SALL4: variants seen among roughly 807,000 people sequenced by gnomAD.
SALL4 encodes sal-like protein 4.
In SALL4, 4 loss-of-function variants were observed where a neutral mutation model predicts 60.8. That is an observed-to-expected ratio of 0.07 (90% CI 0.03 to 0.15). The LOEUF is 0.15. Among genes scored for constraint, SALL4 ranks in the 10% least tolerant of loss-of-function variants. The probability of loss-of-function intolerance (pLI) is 1.00; values close to 1 mark genes in which losing one functional copy is unlikely to be tolerated. For missense variants in SALL4, 1,178 were observed against 1,394.7 expected, an observed-to-expected ratio of 0.84 and a Z score of 2.48; for synonymous variants, 580 against 574.9, an observed-to-expected ratio of 1.01 and a Z score of -0.13.
At position 51,801,295 on chromosome 20, in the gene SALL4, TC is replaced by T. The variant is rs1466214650; in HGVS notation, c.130+983del. Among the ~76,000 whole-genome samples the T allele has an allele frequency of 6.6e-6, 1 of 152,124 alleles. No individual in the cohort carries two copies. Among genetic ancestry groups the T allele is most frequent in the Non-Finnish European group, 1.5e-5 (1 of 68,012 alleles). The stretch of plus-strand genomic sequence containing the variant: ...GGCTGGGGTCCCGAACTCCCCTCGA[TC>T]TGGGAAACGCTGGCCGCGGAAGCGT... On this transcript the variant is annotated intron_variant, in intron 1 of 3. Coordinates refer to ENST00000217086, the MANE Select transcript of SALL4 (RefSeq NM_020436.5). The surrounding 1 kb of genome is among the most constrained non-coding windows in gnomAD (Gnocchi z 5.2).
rs1450767406 is a variant in SALL4 at position 51,801,176 on chromosome 20, A to G, written c.130+1103T>C. On this transcript the variant is annotated intron_variant, in intron 1 of 3. Coordinates refer to ENST00000217086, the MANE Select transcript of SALL4 (RefSeq NM_020436.5). The surrounding 1 kb of genome is among the most constrained non-coding windows in gnomAD (Gnocchi z 5.2). ...TCAGGCGACAATTTGGCGGGCCGGG[A>G]TGGAGACGAGATAGTGGAAAACCGC... Among the ~76,000 whole-genome samples the G allele has an allele frequency of 6.6e-6, 1 of 151,976 alleles. No individual in the cohort carries two copies. Among genetic ancestry groups the G allele is most frequent in the Non-Finnish European group, 1.5e-5 (1 of 68,002 alleles).
chr20:51,786,086 A>AT (rs2077990239), intron 3 of SALL4, among the ~76,000 whole-genome samples: 2 of 76,894 alleles, frequency 2.6e-5, no homozygotes, highest in South Asian at 4.7e-4. Flanking sequence ...TGCCCAGCTA[A>AT]TTGTTTTTTT....
chr20:51,784,191 T>C lies in SALL4; in HGVS notation c.*74A>G. On this transcript the variant is annotated 3_prime_UTR_variant, in exon 4 of 4. Coordinates refer to ENST00000217086, the MANE Select transcript of SALL4 (RefSeq NM_020436.5). Reference sequence around the variant, plus strand: ...GTAAGAAAAAGAAAACAGGAGGAGATGAGTTCTTACAAAACAAAGCAGATT... The same window carrying C: ...GTAAGAAAAAGAAAACAGGAGGAGACGAGTTCTTACAAAACAAAGCAGATT... 2 of 1,545,196 alleles carry C rather than the reference T, an allele frequency of 1.3e-6. No individual in the cohort carries two copies. The highest frequency in any genetic ancestry group is 1.8e-6 in the Non-Finnish European group (2 of 1,122,030).
chr20:51,787,026 C>T lies in SALL4; in HGVS notation c.2742+1835G>A, dbSNP rs530502559. 4.6e-5 allele frequency among the ~76,000 whole-genome samples: 7 copies of T among 152,188 alleles called. No individual in the cohort carries two copies. In the South Asian group the frequency reaches 1.5e-3, roughly 32 times the overall value. ...AGGAGAATCGCTTGAACCCAGGAGG[C>T]GGAGGTTGCAGTGAGTCAAGATGGC... On this transcript the variant is annotated intron_variant, in intron 3 of 3. Coordinates refer to ENST00000217086, the MANE Select transcript of SALL4 (RefSeq NM_020436.5).
chr20:51,785,674 C>T lies in SALL4; in HGVS notation c.2743-990G>A, dbSNP rs191399963. On this transcript the variant is annotated intron_variant, in intron 3 of 3. Coordinates refer to ENST00000217086, the MANE Select transcript of SALL4 (RefSeq NM_020436.5). ...TCCTTTTTTTTTTGAGACGGAGTCT[C>T]GCTCTGTCGCCCAGGCTGGAGTGCA... 2.7e-3 allele frequency among the ~76,000 whole-genome samples: 410 copies of T among 151,972 alleles called. 3 individuals are homozygous for T. The highest frequency in any genetic ancestry group is 7.9e-3 in the African/African-American group (329 of 41,474).
intron 2 of SALL4, among the ~76,000 whole-genome samples, chr20:51,789,348 T>G (rs926801314): frequency 7.2e-6 from 1 of 139,026 alleles, no homozygotes; most frequent in African/African-American, 2.7e-5. Context: ...TCACTTTGGG[T>G]TTTTTTTTTT....
In SALL4 at chr20:51,784,146, TA is replaced by T; in HGVS notation, c.*118del. On this transcript the variant is annotated 3_prime_UTR_variant, in exon 4 of 4. Coordinates refer to ENST00000217086, the MANE Select transcript of SALL4 (RefSeq NM_020436.5). The stretch of plus-strand genomic sequence containing the variant: ...GAGGTTGTGGTCACAACCAACGTAG[TA>T]AACATCATTTGCATATCAGTAAGAA... The T allele has an allele frequency of 8.3e-7, 1 of 1,210,752 alleles. No individual in the cohort carries two copies. The highest frequency in any genetic ancestry group is 1.2e-6 in the Non-Finnish European group (1 of 832,362). 75.0% of individuals were successfully genotyped at this position (1,210,752 alleles called of 1,614,324 possible).
chr20:51,787,907 G>A (rs2078004209), intron 3 of SALL4, among the ~76,000 whole-genome samples: 1 of 151,964 alleles, frequency 6.6e-6, no homozygotes, highest in East Asian at 1.9e-4. Context: ...CAGAAGCCTC[G>A]ACCTCCCAGG....
Position 51,802,370 on chromosome 20 carries a change from G to A in SALL4, c.39C>T (p.Asn13=), listed in dbSNP as rs200423405. 322 of 1,611,634 alleles carry A rather than the reference G, an allele frequency of 2.0e-4. No individual in the cohort carries two copies. The highest frequency in any genetic ancestry group is 2.4e-4 in the Non-Finnish European group (286 of 1,179,888). ...RRKQAKPQHI[N]SEEDQGEQQP... ...GCTGCTCGCCCTGGTCCTCCTCCGA[G>A]TTGATGTGCTGGGGTTTCGCCTGCT... The change falls in exon 1 of 4, where the codon AAC becomes AAT. Residue 13 remains asparagine (N), a synonymous_variant. Transcript: ENST00000217086.
Position 51,790,768 on chromosome 20 carries a change from T to A in SALL4, c.1715A>T (p.His572Leu), listed in dbSNP as rs199643138. The A allele has an allele frequency of 6.2e-7, 1 of 1,614,022 alleles. No homozygotes were observed. Among genetic ancestry groups the A allele is most frequent in the Non-Finnish European group, 8.5e-7 (1 of 1,180,044 alleles). ...TTDPNECLIC[H>L]RVLSCQSSLK... ...GGAGCTCTGACAGCTTAAGACTCGGTGGCAAATGAGACATTCGTTGGGATC... is the reference window on the plus strand; with the variant it reads ...GGAGCTCTGACAGCTTAAGACTCGGAGGCAAATGAGACATTCGTTGGGATC... The change falls in exon 2 of 4, where the codon CAC becomes CTC. Residue 572 changes from histidine to leucine, a missense_variant. Coordinates refer to ENST00000217086, the MANE Select transcript of SALL4 (RefSeq NM_020436.5). The surrounding 1 kb of genome is among the most constrained non-coding windows in gnomAD (Gnocchi z 5.5).
Position 51,790,265 on chromosome 20 carries a change from G to T in SALL4, c.2218C>A (p.Pro740Thr). 1 of 1,614,148 alleles carries T rather than the reference G, an allele frequency of 6.2e-7. No homozygotes were observed. Residue 740 changes from proline (P) to threonine (T), a missense_variant, in exon 2 of 4, where the codon CCT becomes ACT. Around this residue, in one of 5 missense-constraint regions of SALL4, gnomAD observed 853 missense variants for 1,036.8 expected, o/e 0.82. Coordinates refer to ENST00000217086, the MANE Select transcript of SALL4 (RefSeq NM_020436.5). The surrounding 1 kb of genome is among the most constrained non-coding windows in gnomAD (Gnocchi z 5.5). ...CTGCCCTGGCGCTGCAGGTTAAAAG[G>T]GGCAGGACCCACTTTCCCTGGGGCA... ...LDAPGKVGPA[P>T]FNLQRQGSRE...
Position 51,790,353 on chromosome 20 carries a change from C to G in SALL4, c.2130G>C (p.Thr710=). The change falls in exon 2 of 4, where the codon ACG becomes ACC. Residue 710 remains threonine (T), a synonymous_variant. Coordinates refer to ENST00000217086, the MANE Select transcript of SALL4 (RefSeq NM_020436.5). The surrounding 1 kb of genome is among the most constrained non-coding windows in gnomAD (Gnocchi z 5.5). Reference sequence around the variant, plus strand: ...ATGCCGAGTGGATGCTGGGAAGAGGCGTGGGGACCTTGGAGGAGCTGCTGG... The same window carrying G: ...ATGCCGAGTGGATGCTGGGAAGAGGGGTGGGGACCTTGGAGGAGCTGCTGG... The part of the protein sequence containing the change: ...EAPSSSSKVP[T]PLPSIHSASP... The G allele has an allele frequency of 6.2e-7, 1 of 1,614,050 alleles. No homozygotes were observed. Among genetic ancestry groups the G allele is most frequent in the South Asian group, 1.1e-5 (1 of 91,082 alleles).
chr20:51,793,307 C>T (rs1336777675), intron 1 of SALL4, among the ~76,000 whole-genome samples: 1 of 151,420 alleles, frequency 6.6e-6, no homozygotes, highest in Non-Finnish European at 1.5e-5. Flanking sequence ...ACAGTGACAC[C>T]CCGTCTCTAT....
chr20:51,796,823 G>A (rs1228156704), intron 1 of SALL4, among the ~76,000 whole-genome samples: 1 of 151,992 alleles, frequency 6.6e-6, no homozygotes, highest in Non-Finnish European at 1.5e-5. Flanking sequence ...AGGCTTTTAA[G>A]TTATTTTTCC....
At chr20:51,789,884 C>G (rs1381434854) in intron 2 of SALL4, 138 bp downstream of exon 2, 1 of 1,023,106 alleles carries the variant, frequency 9.8e-7, no homozygotes, top group Non-Finnish European at 1.5e-6. Context: ...GCCCTCTACC[C>G]AGAAGTAAAG....
At chr20:51,789,831 A>C (rs2078021462) in intron 2 of SALL4, among the ~76,000 whole-genome samples, 191 bp downstream of exon 2, 1 of 152,178 alleles carries the variant, frequency 6.6e-6, no homozygotes, top group Non-Finnish European at 1.5e-5. Context: ...AACCATCATA[A>C]ATTAAAAGCA....
In SALL4 at chr20:51,792,286, A is replaced by G. The variant is rs1456460831; in HGVS notation, c.197T>C (p.Leu66Pro). The change falls in exon 2 of 4, where the codon CTT (leucine) becomes CCT (proline). Residue 66 changes from leucine to proline, a missense_variant. Coordinates refer to ENST00000217086, the MANE Select transcript of SALL4 (RefSeq NM_020436.5). ...ACAGACGTGCGTCTCCTCCCGACGAAGCCGCTTTACTGTGGCTTCATCCTC... is the reference window on the plus strand; with the variant it reads ...ACAGACGTGCGTCTCCTCCCGACGAGGCCGCTTTACTGTGGCTTCATCCTC... ...ASEDEATVKR[L>P]RREETHVCEK... 1 of 1,611,120 alleles carries G rather than the reference A, an allele frequency of 6.2e-7. No homozygotes were observed. Among genetic ancestry groups the G allele is most frequent in the African/African-American group, 1.3e-5 (1 of 75,018 alleles).
At chr20:51,786,681 T>C (rs1468657294) in intron 3 of SALL4, among the ~76,000 whole-genome samples, 2 of 152,244 alleles carry the variant, frequency 1.3e-5, no homozygotes, top group African/African-American at 2.4e-5. Context: ...ATGTTGATAC[T>C]ACCGTTTTGC....
rs1375171210 is a variant in SALL4, at chr20:51,792,214, T to C, written c.269A>G (p.His90Arg). 4 of 1,614,196 alleles carry C rather than the reference T, an allele frequency of 2.5e-6. No individual in the cohort carries two copies. Among genetic ancestry groups the C allele is most frequent in the Non-Finnish European group, 3.4e-6 (4 of 1,180,038 alleles). The change falls in exon 2 of 4, where the codon CAT (histidine) becomes CGT (arginine). Residue 90 changes from histidine to arginine, a missense_variant. By Grantham distance (29) the His-to-Arg change is conservative. Transcript: ENST00000217086. ...TGGATTTTTAGTGCAATTTTTCTTA[T>C]GTTCCAGGAACTCAGAGATGCTGAA... is the stretch of plus-strand genomic sequence containing the variant. ...EFFSISEFLE[H>R]KKNCTKNPPV... is the part of the protein sequence containing the mutation.
Sources: allele counts gnomAD v4.1 joint callset (sites outside exome capture counted in the v4.1 genomes callset), GRCh38; gene constraint gnomAD v4.1.1; regional missense constraint gnomAD v4.1.1; non-coding constraint Gnocchi (gnomAD v3.1); transcripts MANE v1.5; gene names NCBI Gene and HGNC (gene_info 2026-07-23, HGNC 2026-07-21).